The following BEND6 variants were observed in gnomAD, a reference collection of about 807,000 sequenced individuals.
BEND6 encodes the protein BEN domain-containing protein 6.
Under a neutral mutation model 31.8 loss-of-function variants are expected in BEND6, and 24 were observed. The observed-to-expected ratio is 0.75, with a 90% CI of 0.55 to 1.06. The LOEUF (loss-of-function observed/expected upper bound fraction) is 1.06, where lower values mean the gene tolerates loss of function less well. Among genes scored for constraint, BEND6 ranks in the 50% least tolerant of loss-of-function variants. The probability of loss-of-function intolerance (pLI) is 0.00; values close to 1 mark genes in which losing one functional copy is unlikely to be tolerated. For synonymous variants in BEND6, 109 were observed against 114.6 expected, an observed-to-expected ratio of 0.95 and a Z score of 0.31; for missense variants, 294 against 327.4, an observed-to-expected ratio of 0.90 and a Z score of 0.79.
intron 3 of BEND6, among the ~76,000 whole-genome samples, chr6:57,006,098 C>T (rs1365550035): frequency 6.6e-6 from 1 of 152,206 alleles, no homozygotes; most frequent in Admixed American, 6.5e-5. Context: ...TCAAGCCCTG[C>T]TCTGCCACCT....
chr6:56,963,432 C>G (rs1284499550), intron 1 of BEND6, among the ~76,000 whole-genome samples: 1 of 152,122 alleles, frequency 6.6e-6, no homozygotes, highest in Non-Finnish European at 1.5e-5. Context: ...TCACCCTTAC[C>G]ATTTCATTGC....
At chr6:56,973,476 TATTA>T (rs1302217033) in intron 1 of BEND6, among the ~76,000 whole-genome samples, 3 of 152,200 alleles carry the variant, frequency 2.0e-5, no homozygotes, top group Non-Finnish European at 4.4e-5. Context: ...ATGTTTAATT[TATTA>T]ATTAGGCACA....
chr6:56,989,560 T>C (rs530353323), intron 2 of BEND6, among the ~76,000 whole-genome samples: 1 of 152,324 alleles, frequency 6.6e-6, no homozygotes, highest in South Asian at 2.1e-4. Context: ...TTCTGCCAAT[T>C]TACATTCCCA....
Position 57,004,455 on chromosome 6 carries a change from C to T in BEND6, c.299-10678C>T, listed in dbSNP as rs971603258. ...CAGCTGGCTGCCCATAGCCAGCCCTCCGCTGCCTCCTCACCGCGCCCTGGG... is the reference window on the plus strand; with the variant it reads ...CAGCTGGCTGCCCATAGCCAGCCCTTCGCTGCCTCCTCACCGCGCCCTGGG... On this transcript the variant is annotated intron_variant, in intron 3 of 6. Transcript: ENST00000370746. 8 of 611,856 alleles carry T rather than the reference C, an allele frequency of 1.3e-5. No individual in the cohort carries two copies. In the African/African-American group the frequency reaches 1.5e-4, roughly 11 times the overall value. 37.9% of individuals were successfully genotyped at this position (611,856 alleles called of 1,614,324 possible).
intron 1 of BEND6, chr6:56,975,782 C>A: frequency 1.9e-6 from 1 of 528,936 alleles, no homozygotes; most frequent in Non-Finnish European, 3.8e-6. Context: ...AAACAGGAAG[C>A]TGGATGCAAG....
intron 1 of BEND6, among the ~76,000 whole-genome samples, chr6:56,958,983 A>G (rs1382377846): frequency 6.6e-6 from 1 of 152,250 alleles, no homozygotes; most frequent in African/African-American, 2.4e-5. Context: ...AAAGGGGATG[A>G]GTAGAAAAGC....
rs530906301 is a variant in BEND6, at chr6:57,022,278, C to G, written c.*9+3721C>G. The stretch of plus-strand genomic sequence containing the variant: ...TACTGGGCTTTTCTTTGATGGAAGA[C>G]TTTTTATTATAATTTTGATCTTGTT... On this transcript the variant is annotated intron_variant, in intron 6 of 6. Transcript: ENST00000370746. 3.8e-4 allele frequency among the ~76,000 whole-genome samples: 56 copies of G among 148,064 alleles called. No individual in the cohort carries two copies. The Middle Eastern group carries it at 0.015, about 39-fold the overall frequency.
chr6:57,015,042 T>G, intron 3 of BEND6, 91 bp from the exon 4 acceptor site: 2 of 998,724 alleles, frequency 2.0e-6, no homozygotes, highest in Non-Finnish European at 1.5e-6. Flanking sequence ...GTTCTGCATA[T>G]TTCTATGCAC....
Position 57,026,314 on chromosome 6 carries a change from G to A in BEND6, c.*242G>A, listed in dbSNP as rs1181191734. The A allele has an allele frequency of 6.6e-6, 1 of 152,202 alleles. No individual in the cohort carries two copies. Among genetic ancestry groups the A allele is most frequent in the Non-Finnish European group, 1.5e-5 (1 of 68,034 alleles). The allele number at this position is 152,202 out of a possible 1,614,324, so 9.4% of individuals were successfully genotyped here. A position where few individuals can be genotyped will look rare whatever the true frequency, so the allele number is the denominator to read the frequency against. ...GCATCAAACCAGAGAATTTCTGCCA[G>A]TCAAATAAGCATGCAATATGGTTTC... On this transcript the variant is annotated 3_prime_UTR_variant, in exon 7 of 7. Transcript: ENST00000370746.
intron 3 of BEND6, chr6:57,014,574 C>T: frequency 7.6e-7 from 1 of 1,319,380 alleles, no homozygotes; most frequent in Non-Finnish European, 1.0e-6. Flanking sequence ...CCATTGATTA[C>T]CAAAATTCAT....
chr6:57,008,400 C>G, intron 3 of BEND6: 1 of 604,478 alleles, frequency 1.7e-6, no homozygotes, highest in Non-Finnish European at 2.9e-6. Flanking sequence ...CTAGGTTTAA[C>G]TATTTGCTCA....
intron 2 of BEND6, 152 bp downstream of exon 2, chr6:56,982,082 T>C (rs1432124121): frequency 3.7e-6 from 4 of 1,070,294 alleles, no homozygotes; most frequent in East Asian, 3.1e-5. Flanking sequence ...TTATGTTCTT[T>C]TTCTTTTTAA....
chr6:56,973,430 A>T (rs1825759766), intron 1 of BEND6, among the ~76,000 whole-genome samples: 1 of 152,170 alleles, frequency 6.6e-6, no homozygotes, highest in Non-Finnish European at 1.5e-5. Flanking sequence ...ACCGAACTCT[A>T]TATATACTAC....
At chr6:57,004,728 C>T in intron 3 of BEND6, 2 of 1,498,434 alleles carry the variant, frequency 1.3e-6, no homozygotes, top group Non-Finnish European at 1.8e-6. Context: ...ACAAAAATGA[C>T]CCCCATTTGT....
intron 2 of BEND6, among the ~76,000 whole-genome samples, chr6:56,983,376 G>A (rs1036119162): frequency 1.3e-5 from 2 of 152,058 alleles, no homozygotes; most frequent in African/African-American, 2.4e-5. Flanking sequence ...TATGGTCCTC[G>A]TGTGCTACGT....
intron 1 of BEND6, among the ~76,000 whole-genome samples, chr6:56,960,923 T>C (rs548172880): frequency 1.3e-5 from 2 of 152,322 alleles, no homozygotes; most frequent in African/African-American, 2.4e-5. Context: ...AATTGGAATA[T>C]AGTAGAGTTT....
At position 56,981,790 on chromosome 6, in the gene BEND6, CT is replaced by C; in HGVS notation, c.-18del. On this transcript the variant is annotated 5_prime_UTR_variant, in exon 2 of 7. Transcript: ENST00000370746. ...CCCTACTCCTAGGATTTCAGAAAAC[CT>C]TTGATAACTAATTGAGAAAATGCAG... 1 of 1,610,014 alleles carries C rather than the reference CT, an allele frequency of 6.2e-7. No homozygotes were observed. The highest frequency in any genetic ancestry group is 1.1e-5 in the South Asian group (1 of 90,510).
rs556478581 is a variant in BEND6, at chr6:56,993,658, T to C, written c.298+1103T>C. On this transcript the variant is annotated intron_variant, in intron 3 of 6. Transcript: ENST00000370746. ...ATGTAAGTAGAAAGATGTTATTCAA[T>C]TGACAAGGCATTACCTCTTTATTTC... Among the ~76,000 whole-genome samples, 4 of 152,256 alleles carry C rather than the reference T, an allele frequency of 2.6e-5. No homozygotes were observed. The South Asian group carries it at 8.3e-4, about 32-fold the overall frequency.
At chr6:56,981,478 T>C (rs1375667856) in intron 1 of BEND6, among the ~76,000 whole-genome samples, 4 of 152,232 alleles carry the variant, frequency 2.6e-5, no homozygotes, top group Non-Finnish European at 4.4e-5. Context: ...TGTTACAATA[T>C]TTGATTTTGT....
Sources: allele counts gnomAD v4.1 joint callset (sites outside exome capture counted in the v4.1 genomes callset), GRCh38; gene constraint gnomAD v4.1.1; transcripts MANE v1.5; gene names NCBI Gene and HGNC (gene_info 2026-07-23, HGNC 2026-07-21).